The following FDFT1 variants were observed in gnomAD, a reference collection of about 807,000 sequenced individuals.
FDFT1 encodes squalene synthase.
In FDFT1, 68 loss-of-function variants were observed where a neutral mutation model predicts 46.8. That is an observed-to-expected ratio of 1.45 (90% CI 1.19 to 1.78). FDFT1 has a LOEUF of 1.78. Among genes scored for constraint, FDFT1 ranks in the 40% most tolerant of loss-of-function variants. The probability of loss-of-function intolerance (pLI) is 0.00; values close to 1 mark genes in which losing one functional copy is unlikely to be tolerated. For synonymous variants in FDFT1, 351 were observed against 185.1 expected (o/e 1.90, Z -7.28); for missense variants, 928 against 524.4 (o/e 1.77, Z -7.52).
At chr8:11,798,174 C>G (rs895972006), upstream of FDFT1, 1 of 152,144 alleles carries the variant, frequency 6.6e-6, no homozygotes, top group African/African-American at 2.4e-5. Context: ...ATTCTCCAGC[C>G]TCAGCCTCCC....
At chr8:11,834,024 T>G (rs1442662099) in intron 7 of FDFT1, among the ~76,000 whole-genome samples, 1 of 152,220 alleles carries the variant, frequency 6.6e-6, no homozygotes, top group Non-Finnish European at 1.5e-5. Context: ...AAGCCACAAG[T>G]CGTCTGGCCT....
At chr8:11,825,936 A>G in intron 4 of FDFT1, 88 bp from the exon 5 acceptor site, 1 of 844,908 alleles carries the variant, frequency 1.2e-6, no homozygotes, top group Non-Finnish European at 1.7e-6. Context: ...TCTCTTTTGA[A>G]CCTGCTTTTT....
intron 3 of FDFT1, among the ~76,000 whole-genome samples, chr8:11,811,516 T>C (rs560389555): frequency 6.6e-6 from 1 of 152,348 alleles, no homozygotes; most frequent in South Asian, 2.1e-4. Context: ...GCTAACATAA[T>C]TTTGGGGAAT....
chr8:11,805,859 C>T (rs1037185988), intron 1 of FDFT1, among the ~76,000 whole-genome samples: 3 of 152,166 alleles, frequency 2.0e-5, no homozygotes, highest in Non-Finnish European at 4.4e-5. Flanking sequence ...GGTCTTGCCA[C>T]AGATGTTTCA....
chr8:11,812,726 A>T (rs941777075), intron 3 of FDFT1, among the ~76,000 whole-genome samples: 1 of 152,214 alleles, frequency 6.6e-6, no homozygotes, highest in African/African-American at 2.4e-5. Context: ...TGCAGAATTT[A>T]GGAATAAGCC....
At chr8:11,824,856 C>G (rs766436924) in intron 4 of FDFT1, among the ~76,000 whole-genome samples, 2 of 152,194 alleles carry the variant, frequency 1.3e-5, no homozygotes, top group Non-Finnish European at 2.9e-5. Flanking sequence ...CTGCCTTAGC[C>G]TTCTGAGTAG....
chr8:11,831,494 T>A (rs1037649613), intron 6 of FDFT1, 24 bp from the exon 7 acceptor site: 7 of 1,601,706 alleles, frequency 4.4e-6, no homozygotes, highest in Non-Finnish European at 6.0e-6. Flanking sequence ...TCTTCTTTTT[T>A]CCCTCTCTTC....
chr8:11,796,415 G>C (rs1297650244), intron 1 of FDFT1, among the ~76,000 whole-genome samples: 1 of 152,196 alleles, frequency 6.6e-6, no homozygotes, highest in Non-Finnish European at 1.5e-5. Flanking sequence ...TTCAGGTTGG[G>C]AGGAACCACT....
intron 5 of FDFT1, among the ~76,000 whole-genome samples, chr8:11,826,730 G>A (rs1487668558): frequency 2.6e-5 from 4 of 152,168 alleles, no homozygotes; most frequent in East Asian, 1.9e-4. Context: ...CAGGAGAATC[G>A]CTTGAACCCA....
chr8:11,821,648 C>T lies in FDFT1; in HGVS notation c.382-102C>T, dbSNP rs146097306. 4.1e-4 allele frequency: 553 copies of T among 1,335,580 alleles called. 4 individuals carry two copies. In the African/African-American group the frequency reaches 6.2e-3, roughly 15 times the overall value. The allele number at this position is 1,335,580 out of a possible 1,614,324, so 82.7% of individuals were successfully genotyped here. On this transcript the variant is annotated intron_variant, in intron 3 of 7. Coordinates refer to ENST00000220584, the MANE Select transcript of FDFT1 (RefSeq NM_004462.5). The stretch of plus-strand genomic sequence containing the variant: ...ACCTAAATTAGGCTTATAGATGAAC[C>T]ATTGCAGTCATGATTAATTCCGCCA...
chr8:11,796,510 C>G (rs1275190865), intron 1 of FDFT1, among the ~76,000 whole-genome samples: 1 of 152,142 alleles, frequency 6.6e-6, no homozygotes, highest in South Asian at 2.1e-4. Context: ...TCGGAGCTTG[C>G]TGTAGTAAGG....
chr8:11,796,987 T>C (rs913271053), intron 1 of FDFT1, among the ~76,000 whole-genome samples: 2 of 152,266 alleles, frequency 1.3e-5, no homozygotes, highest in Non-Finnish European at 2.9e-5. Context: ...TATCTACTTT[T>C]AATTGCACGC....
At chr8:11,828,300 C>G (rs59697975) in intron 5 of FDFT1, among the ~76,000 whole-genome samples, 33,300 of 149,688 alleles carry the variant, frequency 0.22, 4,963 homozygotes, top group East Asian at 0.79. Flanking sequence ...TCAAAACAAA[C>G]AAACAACAAC....
upstream of FDFT1, among the ~76,000 whole-genome samples, chr8:11,799,339 A>G (rs1805873362): frequency 2.0e-5 from 3 of 152,186 alleles, no homozygotes; most frequent in Non-Finnish European, 4.4e-5. Context: ...GTGGAGCTGC[A>G]GGTGTTTTAC....
At position 11,818,800 on chromosome 8, in the gene FDFT1, T is replaced by C. The variant is rs185121090; in HGVS notation, c.382-2950T>C. On this transcript the variant is annotated intron_variant, in intron 3 of 7. Transcript: ENST00000220584. Reference sequence around the variant, plus strand: ...ACAGCACAGTGACGGGCCTTGACTGTTTATCCAATTTGCCAGTCTGCGTCT... The same window carrying C: ...ACAGCACAGTGACGGGCCTTGACTGCTTATCCAATTTGCCAGTCTGCGTCT... Among the ~76,000 whole-genome samples the C allele has an allele frequency of 4.9e-4, 74 of 152,354 alleles. No individual in the cohort carries two copies. In the East Asian group the frequency reaches 0.012, roughly 24 times the overall value.
upstream of FDFT1, among the ~76,000 whole-genome samples, chr8:11,799,077 C>T (rs940021053): frequency 1.3e-5 from 2 of 152,184 alleles, no homozygotes; most frequent in African/African-American, 4.8e-5. Context: ...ATTGAACAAA[C>T]ATGTATGTAA....
At chr8:11,815,393 G>T (rs941543277) in intron 3 of FDFT1, among the ~76,000 whole-genome samples, 4 of 152,198 alleles carry the variant, frequency 2.6e-5, no homozygotes, top group Non-Finnish European at 4.4e-5. Flanking sequence ...CCAGTAATGG[G>T]ATTGCTGGGT....
At chr8:11,832,754 C>T (rs1166917215) in intron 7 of FDFT1, among the ~76,000 whole-genome samples, 1 of 151,834 alleles carries the variant, frequency 6.6e-6, no homozygotes, top group East Asian at 1.9e-4. Flanking sequence ...TGAGTAGAGG[C>T]CCAGGATGAT....
chr8:11,796,907 C>T (rs868208234), intron 1 of FDFT1, among the ~76,000 whole-genome samples: 2 of 152,234 alleles, frequency 1.3e-5, no homozygotes, highest in African/African-American at 4.8e-5. Flanking sequence ...CGTGACTTTT[C>T]CTGCAGAGTA....
Sources: allele counts gnomAD v4.1 joint callset (sites outside exome capture counted in the v4.1 genomes callset), GRCh38; gene constraint gnomAD v4.1.1; transcripts MANE v1.5; gene names NCBI Gene and HGNC (gene_info 2026-07-23, HGNC 2026-07-21).